KLRG1: variants seen among roughly 807,000 people sequenced by gnomAD.
KLRG1 encodes the protein killer cell lectin like receptor G1.
Under a neutral mutation model 21.8 loss-of-function variants are expected in KLRG1, and 16 were observed. That is an observed-to-expected ratio of 0.73 (90% CI 0.50 to 1.11). The LOEUF (loss-of-function observed/expected upper bound fraction) is 1.11. KLRG1 is among the 50% of genes most tolerant of loss of function. The pLI is 0.00. For synonymous variants in KLRG1, 69 were observed against 75.9 expected, an observed-to-expected ratio of 0.91 and a Z score of 0.47; for missense variants, 173 against 218.3, an observed-to-expected ratio of 0.79 and a Z score of 1.31.
Position 9,008,756 on chromosome 12 carries a change from G to T in KLRG1, c.358-219G>T, listed in dbSNP as rs112756183. Among the ~76,000 whole-genome samples the T allele has an allele frequency of 1.6e-3, 237 of 152,258 alleles. 1 individual carries two copies. Among genetic ancestry groups the T allele is most frequent in the African/African-American group, 5.5e-3 (229 of 41,552 alleles). On this transcript the variant is annotated intron_variant, in intron 3 of 4. Coordinates refer to ENST00000356986, the MANE Select transcript of KLRG1 (RefSeq NM_005810.4). ...ATCTACACCTAATTACTTGCTAAAG[G>T]CTTCACCAGCAGATTTCATCACATT...
upstream of KLRG1, among the ~76,000 whole-genome samples, chr12:8,986,221 G>A (rs973411690): frequency 1.1e-4 from 16 of 152,170 alleles, no homozygotes; most frequent in Admixed American, 3.3e-4. Context: ...GGTGGTTCAC[G>A]CAGTGAACCC....
At chr12:9,027,784 C>A in the KLRG1 span, 5 of 1,349,418 alleles carry the variant, frequency 3.7e-6, no homozygotes, top group Non-Finnish European at 5.2e-6. Flanking sequence ...GCCACCATAT[C>A]CACCACAACC....
Position 9,009,898 on chromosome 12 carries a change from C to G in KLRG1, c.*361C>G. On this transcript the variant is annotated 3_prime_UTR_variant, in exon 5 of 5. Coordinates refer to ENST00000356986, the MANE Select transcript of KLRG1 (RefSeq NM_005810.4). ...ATATTCTGAGCTAATCTGATAAAAT[C>G]TATGCCAATATATACTATTGCTTGT... 3 of 1,511,800 alleles carry G rather than the reference C, an allele frequency of 2.0e-6. No homozygotes were observed. Among genetic ancestry groups the G allele is most frequent in the Non-Finnish European group, 2.6e-6 (3 of 1,136,230 alleles). The allele number at this position is 1,511,800 out of a possible 1,614,324, so 93.6% of individuals were successfully genotyped here.
intron 1 of KLRG1, among the ~76,000 whole-genome samples, chr12:8,984,049 T>C (rs184937813): frequency 1.6e-4 from 25 of 152,308 alleles, no homozygotes; most frequent in African/African-American, 5.1e-4. Flanking sequence ...TGTTATACTA[T>C]TTGGCATTGT....
the KLRG1 span, among the ~76,000 whole-genome samples, chr12:9,075,708 G>A: frequency 6.6e-6 from 1 of 152,184 alleles, no homozygotes; most frequent in Non-Finnish European, 1.5e-5. Flanking sequence ...CACATGTGAA[G>A]ATTCTAAATA....
chr12:9,163,347 G>T, the KLRG1 span, among the ~76,000 whole-genome samples: 1 of 151,564 alleles, frequency 6.6e-6, no homozygotes, highest in Non-Finnish European at 1.5e-5. Context: ...CAGCTACTCG[G>T]GAGGCTGAGG....
At chr12:9,148,464 A>AT in the KLRG1 span, among the ~76,000 whole-genome samples, 8 of 151,866 alleles carry the variant, frequency 5.3e-5, no homozygotes, top group African/African-American at 1.7e-4. Context: ...TCATCTCTTT[A>AT]TTTTTTTAAT....
chr12:9,210,254 T>C, the KLRG1 span, among the ~76,000 whole-genome samples: 1 of 152,178 alleles, frequency 6.6e-6, no homozygotes, highest in African/African-American at 2.4e-5. Context: ...ATCAATCTGA[T>C]GAGTGAAGCA....
At chr12:9,197,835 AATATATAATATATAATATTAATT>A in the KLRG1 span, among the ~76,000 whole-genome samples, 2 of 71,478 alleles carry the variant, frequency 2.8e-5, no homozygotes, top group African/African-American at 1.1e-4. Context: ...TATATTATAC[AATATATAATATATAATATTAATT>A]ATATATAATA....
intron 1 of KLRG1, among the ~76,000 whole-genome samples, chr12:8,951,222 C>T (rs950385584): frequency 1.3e-5 from 2 of 152,014 alleles, no homozygotes; most frequent in East Asian, 1.9e-4. Flanking sequence ...CCCGTAATCC[C>T]AGCACTTTGG....
At chr12:9,150,814 A>G in the KLRG1 span, 77 of 970,500 alleles carry the variant, frequency 7.9e-5, no homozygotes, top group Non-Finnish European at 1.1e-4. Flanking sequence ...AGCAAAACAT[A>G]TTCTTATTGT....
chr12:9,078,850 T>C, the KLRG1 span, among the ~76,000 whole-genome samples: 1 of 152,214 alleles, frequency 6.6e-6, no homozygotes, highest in Non-Finnish European at 1.5e-5. Flanking sequence ...TTTCCTCTTA[T>C]TAATGAATTC....
chr12:9,202,185 T>G, the KLRG1 span: 1 of 775,084 alleles, frequency 1.3e-6, no homozygotes, highest in Non-Finnish European at 2.1e-6. Flanking sequence ...AGACTGCAAA[T>G]CTGTGCTGAG....
the KLRG1 span, among the ~76,000 whole-genome samples, chr12:9,118,094 A>G: frequency 1.3e-5 from 2 of 152,184 alleles, no homozygotes; most frequent in Non-Finnish European, 2.9e-5. Context: ...AGAGAATATA[A>G]TAAAAAATAC....
At chr12:9,017,914 A>G in the KLRG1 span, among the ~76,000 whole-genome samples, 1 of 152,260 alleles carries the variant, frequency 6.6e-6, no homozygotes, top group Non-Finnish European at 1.5e-5. Flanking sequence ...AATTCAGTGA[A>G]GTTGCAGGAT....
the KLRG1 span, among the ~76,000 whole-genome samples, chr12:9,187,109 T>C: frequency 1.4e-5 from 2 of 138,282 alleles, no homozygotes; most frequent in Admixed American, 7.1e-5. Flanking sequence ...GAGAATTGCA[T>C]AATGGTAAAG....
At chr12:8,992,375 A>G in intron 2 of KLRG1, 65 bp downstream of exon 2, 4 of 1,172,916 alleles carry the variant, frequency 3.4e-6, no homozygotes, top group Non-Finnish European at 3.7e-6. Flanking sequence ...ATAACATAGC[A>G]GAAGCTTTGA....
intron 1 of KLRG1, among the ~76,000 whole-genome samples, chr12:8,974,025 G>A (rs1946614999): frequency 6.6e-6 from 1 of 151,904 alleles, no homozygotes; most frequent in Non-Finnish European, 1.5e-5. Context: ...TAATTTGGAT[G>A]CCTTTATTTC....
chr12:9,131,918 C>T, the KLRG1 span, among the ~76,000 whole-genome samples: 286 of 152,146 alleles, frequency 1.9e-3, 1 homozygote, highest in African/African-American at 6.6e-3. Flanking sequence ...ACATCCCTCT[C>T]TCTAGGCATC....
Sources: gnomAD v4.1 joint callset for allele counts (sites outside exome capture counted in the v4.1 genomes callset) on GRCh38, gnomAD v4.1.1 for gene constraint, MANE v1.5 for transcripts, NCBI Gene and HGNC (gene_info 2026-07-23, HGNC 2026-07-21) for gene names.